The following PTPRN2 variants were observed in gnomAD, a reference collection of about 807,000 sequenced individuals.
PTPRN2 encodes the protein receptor-type tyrosine-protein phosphatase N2.
Under a neutral mutation model 118.8 loss-of-function variants are expected in PTPRN2, and 74 were observed. The observed-to-expected ratio is 0.62, with a 90% CI of 0.52 to 0.76. The LOEUF is 0.76. Among genes scored for constraint, PTPRN2 ranks in the 30% least tolerant of loss-of-function variants. The probability of loss-of-function intolerance (pLI) is 0.00; values close to 1 mark genes in which losing one functional copy is unlikely to be tolerated. For synonymous variants in PTPRN2, 641 were observed against 608.0 expected (o/e 1.05, Z -0.80); for missense variants, 1,481 against 1,394.4 (o/e 1.06, Z -0.99).
At chr7:157,731,454 T>A (rs1585325586) in intron 12 of PTPRN2, among the ~76,000 whole-genome samples, 1 of 151,924 alleles carries the variant, frequency 6.6e-6, no homozygotes. Flanking sequence ...CCTGTGTTAC[T>A]CTTCCTTCCC....
chr7:158,269,961 G>A (rs1455428307), intron 3 of PTPRN2, among the ~76,000 whole-genome samples: 1 of 152,188 alleles, frequency 6.6e-6, no homozygotes, highest in East Asian at 1.9e-4. Context: ...CAGAGAGAAA[G>A]AATCAGAGAC....
intron 1 of PTPRN2, among the ~76,000 whole-genome samples, chr7:158,497,681 A>G (rs1215383683): frequency 6.6e-6 from 1 of 152,204 alleles, no homozygotes; most frequent in African/African-American, 2.4e-5. Flanking sequence ...ACCCCAAAAC[A>G]GTTATTAAGT....
intron 3 of PTPRN2, among the ~76,000 whole-genome samples, chr7:158,233,296 ATAAAG>A (rs1829287621): frequency 6.6e-6 from 1 of 152,264 alleles, no homozygotes; most frequent in Non-Finnish European, 1.5e-5. Context: ...CTAAAAAACA[ATAAAG>A]TAACCCTATT....
chr7:158,389,636 G>T (rs763672643), intron 2 of PTPRN2, among the ~76,000 whole-genome samples: 3 of 152,244 alleles, frequency 2.0e-5, no homozygotes, highest in Non-Finnish European at 4.4e-5. Context: ...AACGGCTGCC[G>T]CCGTCACAAA....
At chr7:158,351,765 G>T (rs74528268) in intron 2 of PTPRN2, among the ~76,000 whole-genome samples, 2,786 of 151,728 alleles carry the variant, frequency 0.018, 40 homozygotes, top group African/African-American at 0.032. Context: ...TTTTCATTCA[G>T]GGGGGCTTGA....
chr7:158,144,819 G>A (rs1177421292), intron 6 of PTPRN2, among the ~76,000 whole-genome samples: 2 of 152,196 alleles, frequency 1.3e-5, no homozygotes, highest in African/African-American at 4.8e-5. Flanking sequence ...ACAAAGACAG[G>A]TGTGTCGACC....
intron 2 of PTPRN2, among the ~76,000 whole-genome samples, chr7:158,485,305 G>A (rs1178411919): frequency 6.6e-6 from 1 of 151,916 alleles, no homozygotes; most frequent in Non-Finnish European, 1.5e-5. Flanking sequence ...GCGCTATGGT[G>A]TGGTCGTCCT....
chr7:158,477,699 C>G (rs759238260), intron 2 of PTPRN2, among the ~76,000 whole-genome samples: 26 of 152,160 alleles, frequency 1.7e-4, no homozygotes, highest in Non-Finnish European at 3.2e-4. Flanking sequence ...TTTGACACCC[C>G]AATAGTGTAT....
intron 1 of PTPRN2, among the ~76,000 whole-genome samples, chr7:158,580,493 C>T (rs1828567217): frequency 6.6e-6 from 1 of 152,198 alleles, no homozygotes; most frequent in Non-Finnish European, 1.5e-5. Context: ...AATGACCTTT[C>T]AGAACCACGT....
At chr7:157,969,680 C>T (rs997771079) in intron 11 of PTPRN2, among the ~76,000 whole-genome samples, 40 of 151,704 alleles carry the variant, frequency 2.6e-4, no homozygotes, top group African/African-American at 9.2e-4. Context: ...GGAGTTGAGT[C>T]CTGGTGGGAG....
chr7:158,269,629 T>G (rs567520206), intron 3 of PTPRN2, among the ~76,000 whole-genome samples: 2 of 152,034 alleles, frequency 1.3e-5, no homozygotes, highest in African/African-American at 4.8e-5. Flanking sequence ...GGAACAATGG[T>G]GAAGGGTCCA....
intron 12 of PTPRN2, among the ~76,000 whole-genome samples, chr7:157,833,791 T>A (rs1443208796): frequency 1.3e-5 from 2 of 152,236 alleles, no homozygotes; most frequent in Non-Finnish European, 2.9e-5. Flanking sequence ...TTTCTTCTGG[T>A]CACAACTCTC....
At chr7:157,917,772 G>A (rs1327444370) in intron 11 of PTPRN2, among the ~76,000 whole-genome samples, 2 of 152,160 alleles carry the variant, frequency 1.3e-5, no homozygotes, top group African/African-American at 2.4e-5. Flanking sequence ...AAAGTGACAA[G>A]GAAGGGACGG....
chr7:158,000,274 C>G (rs1271779779), intron 11 of PTPRN2, among the ~76,000 whole-genome samples: 1 of 152,114 alleles, frequency 6.6e-6, no homozygotes, highest in African/African-American at 2.4e-5. Flanking sequence ...ATTCCCCAGT[C>G]AGGGGAATAA....
At chr7:157,836,644 T>C (rs1230859391) in intron 12 of PTPRN2, among the ~76,000 whole-genome samples, 1 of 150,258 alleles carries the variant, frequency 6.7e-6, no homozygotes, top group Non-Finnish European at 1.5e-5. Flanking sequence ...CCTAAAAGAA[T>C]ATCAAATAGT....
chr7:157,988,645 G>A (rs6971691), intron 11 of PTPRN2, among the ~76,000 whole-genome samples: 2 of 152,084 alleles, frequency 1.3e-5, no homozygotes, highest in African/African-American at 2.4e-5. Flanking sequence ...GGGAGCACAG[G>A]GGGGCTGGAG....
At chr7:158,558,741 T>A (rs1475711662) in intron 1 of PTPRN2, among the ~76,000 whole-genome samples, 15 of 131,756 alleles carry the variant, frequency 1.1e-4, no homozygotes, top group African/African-American at 3.8e-4. Context: ...ACCTTCTGGA[T>A]ACATCAGTGC....
intron 6 of PTPRN2, among the ~76,000 whole-genome samples, chr7:158,146,060 T>C (rs1223874118): frequency 3.7e-5 from 4 of 106,952 alleles, no homozygotes; most frequent in Admixed American, 3.1e-4. Flanking sequence ...TTTTCCACTC[T>C]TTTCCCCCTT....
rs577077875 is a variant in PTPRN2, at chr7:158,414,370, T to C, written c.163+75365A>G. ...GGAGCATTAAGCCCCAAAGGACGGA[T>C]CCAGGAGGGTGCCCGGGCGGTTAAC... On this transcript the variant is annotated intron_variant, in intron 2 of 22. Coordinates refer to ENST00000389418, the MANE Select transcript of PTPRN2 (RefSeq NM_002847.5). 2.6e-5 allele frequency among the ~76,000 whole-genome samples: 4 copies of C among 152,210 alleles called. No homozygotes were observed. The South Asian group carries it at 8.3e-4, about 32-fold the overall frequency.
Sources: gnomAD v4.1 joint callset for allele counts (sites outside exome capture counted in the v4.1 genomes callset) on GRCh38, gnomAD v4.1.1 for gene constraint, MANE v1.5 for transcripts, NCBI Gene and HGNC (gene_info 2026-07-23, HGNC 2026-07-21) for gene names.